CCNY: variants seen among roughly 807,000 people sequenced by gnomAD.
CCNY encodes the protein cyclin Y.
Under a neutral mutation model 42.8 loss-of-function variants are expected in CCNY, and 19 were observed. The observed-to-expected ratio is 0.44, with a 90% CI of 0.31 to 0.65. The LOEUF is 0.65. Among genes scored for constraint, CCNY ranks in the 30% least tolerant of loss-of-function variants. CCNY has a pLI of 0.07. For synonymous variants in CCNY, 165 were observed against 162.7 expected, an observed-to-expected ratio of 1.01 and a Z score of -0.11; for missense variants, 370 against 437.3, an observed-to-expected ratio of 0.85 and a Z score of 1.37.
intron 1 of CCNY, among the ~76,000 whole-genome samples, chr10:35,440,675 C>A (rs1354233317): frequency 6.6e-6 from 1 of 152,208 alleles, no homozygotes; most frequent in Non-Finnish European, 1.5e-5. Context: ...GAGAGAACTT[C>A]AGAATCAGCT....
chr10:35,522,548 G>A (rs998265970), intron 4 of CCNY, among the ~76,000 whole-genome samples: 3 of 151,692 alleles, frequency 2.0e-5, no homozygotes, highest in African/African-American at 7.3e-5. Flanking sequence ...GTCAGTATGT[G>A]ACCCCACCCA....
Position 35,519,761 on chromosome 10 carries a change from T to TTTTTC in CCNY, c.365+3153_365+3157dup, listed in dbSNP as rs1444610017. On this transcript the variant is annotated intron_variant, in intron 4 of 9. Transcript: ENST00000374704. The stretch of plus-strand genomic sequence containing the variant: ...TTCAGTTGCTTTAAAAAGTATCTTC[T>TTTTTC]TTTTCTTTTCTTTTCTTTTTTTTTT... Among the ~76,000 whole-genome samples the TTTTTC allele has an allele frequency of 1.4e-4, 21 of 148,760 alleles. 1 individual carries two copies. Among genetic ancestry groups the TTTTTC allele is most frequent in the East Asian group, 5.9e-4 (3 of 5,068 alleles).
At chr10:35,560,219 G>A (rs1375283459) in intron 8 of CCNY, among the ~76,000 whole-genome samples, 1 of 152,166 alleles carries the variant, frequency 6.6e-6, no homozygotes, top group Non-Finnish European at 1.5e-5. Flanking sequence ...TTAGGATGAG[G>A]TGAGTGTGTT....
chr10:35,312,583 A>G (rs1326452784), intron 3 of CCNY, among the ~76,000 whole-genome samples: 1 of 151,766 alleles, frequency 6.6e-6, no homozygotes, highest in Non-Finnish European at 1.5e-5. Flanking sequence ...CCGTTTTGCG[A>G]CAAAATGAAC....
chr10:35,523,424 A>C (rs985649038), intron 4 of CCNY, among the ~76,000 whole-genome samples: 3 of 152,194 alleles, frequency 2.0e-5, no homozygotes, highest in African/African-American at 7.2e-5. Flanking sequence ...GGCCTGATTC[A>C]GTTGTCAGCT....
In CCNY at chr10:35,326,138, C is replaced by T. The variant is rs552035460; in HGVS notation, c.-9+75512C>T. On this transcript the variant is annotated intron_variant, in intron 3 of 11. Transcript: ENST00000374706. Reference sequence around the variant, plus strand: ...CATAAAATAAAATGCGCCCATTTTACAGTTTAATGAGTTTTTTGTTTTTTT... The same window carrying T: ...CATAAAATAAAATGCGCCCATTTTATAGTTTAATGAGTTTTTTGTTTTTTT... 4.6e-5 allele frequency among the ~76,000 whole-genome samples: 7 copies of T among 151,988 alleles called. No homozygotes were observed. In the South Asian group the frequency reaches 1.5e-3, roughly 32 times the overall value.
Position 35,548,292 on chromosome 10 carries a change from G to GTATATATATGTATA in CCNY, c.580-4718_580-4717insGTATATATATATAT, listed in dbSNP as rs1008657264. On this transcript the variant is annotated intron_variant, in intron 7 of 9. Transcript: ENST00000374704. ...CATAAATATAAATATATATATTTATGTATATATATATATATATATTTTATG... is the reference window on the plus strand; with the variant it reads ...CATAAATATAAATATATATATTTATGTATATATATGTATATATATATATATATATATATTTTATG... Among the ~76,000 whole-genome samples, 706 of 143,818 alleles carry GTATATATATGTATA rather than the reference G, an allele frequency of 4.9e-3. 6 individuals are homozygous for GTATATATATGTATA. The highest frequency in any genetic ancestry group is 0.011 in the Middle Eastern group (3 of 272). 94.4% of individuals were successfully genotyped at this position (143,818 alleles called of 152,430 possible). A position where few individuals can be genotyped will look rare whatever the true frequency, so the allele number is the denominator to read the frequency against.
intron 1 of CCNY, among the ~76,000 whole-genome samples, chr10:35,466,153 A>G (rs980246405): frequency 1.3e-5 from 2 of 152,026 alleles, no homozygotes; most frequent in African/African-American, 4.8e-5. Flanking sequence ...ACACATTCAA[A>G]CCAGTGGTTA....
intron 3 of CCNY, among the ~76,000 whole-genome samples, chr10:35,318,066 A>G (rs1178997100): frequency 6.6e-6 from 1 of 151,990 alleles, no homozygotes; most frequent in Non-Finnish European, 1.5e-5. Flanking sequence ...CATTTCTACA[A>G]AAAATTTCAA....
intron 5 of CCNY, among the ~76,000 whole-genome samples, chr10:35,528,955 A>G (rs7900445): frequency 6.6e-6 from 1 of 152,206 alleles, no homozygotes; most frequent in Admixed American, 6.5e-5. Flanking sequence ...AAAAGCTGTC[A>G]TTTCCAAGTT....
chr10:35,276,293 C>A (rs960601839), intron 3 of CCNY, among the ~76,000 whole-genome samples: 2 of 152,200 alleles, frequency 1.3e-5, no homozygotes, highest in African/African-American at 4.8e-5. Flanking sequence ...ATTGTACCTG[C>A]CTTGATTCTA....
At chr10:35,532,904 G>T (rs1016492789) in intron 7 of CCNY, among the ~76,000 whole-genome samples, 1 of 152,238 alleles carries the variant, frequency 6.6e-6, no homozygotes, top group Non-Finnish European at 1.5e-5. Context: ...GAAAGCCAGA[G>T]GCCAAGGCAG....
chr10:35,475,458 G>A (rs1431928349), intron 1 of CCNY, among the ~76,000 whole-genome samples: 1 of 152,094 alleles, frequency 6.6e-6, no homozygotes, highest in East Asian at 1.9e-4. Context: ...AACCCTACAA[G>A]CCAGAAGAGA....
intron 1 of CCNY, among the ~76,000 whole-genome samples, chr10:35,343,969 G>C (rs561725612): frequency 6.6e-6 from 1 of 152,200 alleles, no homozygotes; most frequent in Admixed American, 6.5e-5. Flanking sequence ...ACATTGGGCT[G>C]TGAGGGTAGG....
chr10:35,329,886 G>A (rs1162260683), intron 3 of CCNY, among the ~76,000 whole-genome samples: 2 of 152,168 alleles, frequency 1.3e-5, no homozygotes, highest in South Asian at 2.1e-4. Context: ...GGACAGGACC[G>A]CCTGCTTCAG....
chr10:35,470,491 A>G (rs544189391), intron 1 of CCNY, among the ~76,000 whole-genome samples: 170 of 152,362 alleles, frequency 1.1e-3, no homozygotes, highest in African/African-American at 4.0e-3. Context: ...ACACAGAGAC[A>G]CACACTTGCA....
chr10:35,513,756 C>T (rs1259602615), intron 3 of CCNY, among the ~76,000 whole-genome samples: 4 of 152,166 alleles, frequency 2.6e-5, no homozygotes, highest in Non-Finnish European at 4.4e-5. Context: ...GCTGTTTCTC[C>T]AGCACATCAC....
At chr10:35,500,730 G>A (rs889308530) in intron 2 of CCNY, among the ~76,000 whole-genome samples, 3 of 152,228 alleles carry the variant, frequency 2.0e-5, no homozygotes, top group Non-Finnish European at 4.4e-5. Context: ...AGCTCTTCGT[G>A]TTCCCTGTGA....
At chr10:35,565,806 A>G (rs866837289) in intron 8 of CCNY, among the ~76,000 whole-genome samples, 6 of 152,206 alleles carry the variant, frequency 3.9e-5, no homozygotes, top group Admixed American at 2.0e-4. Flanking sequence ...CTTCCTGGTG[A>G]TGATCCCAGT....
Sources: allele counts gnomAD v4.1 joint callset (sites outside exome capture counted in the v4.1 genomes callset), GRCh38; gene constraint gnomAD v4.1.1; transcripts MANE v1.5; gene names NCBI Gene and HGNC (gene_info 2026-07-23, HGNC 2026-07-21).